C7: variants seen among roughly 807,000 people sequenced by gnomAD.
C7 encodes complement C7, also known as complement component C7.
A neutral mutation model predicts 104.8 loss-of-function variants in C7; 83 were observed. The ratio of observed to expected loss-of-function variants is 0.79; its 90% CI spans 0.66 to 0.95. C7 has a LOEUF of 0.95. Among genes scored for constraint, C7 ranks in the 40% least tolerant of loss-of-function variants. C7 has a pLI of 0.00. For missense variants in C7, 1,070 were observed against 1,011.2 expected (o/e 1.06, Z -0.79); for synonymous variants, 415 against 360.6 (o/e 1.15, Z -1.71).
Position 40,981,608 on chromosome 5 carries a change from C to T in C7, c.*35C>T. ...GGCCCTGGTCAGCTTGCTTGGAATC[C>T]AGCAGGCAGCTGGGGCTGAGTGAAA... On this transcript the variant is annotated 3_prime_UTR_variant, in exon 18 of 18. Coordinates refer to ENST00000313164, the MANE Select transcript of C7 (RefSeq NM_000587.4). 1 of 1,560,804 alleles carries T rather than the reference C, an allele frequency of 6.4e-7. No homozygotes were observed. Among genetic ancestry groups the T allele is most frequent in the Non-Finnish European group, 8.7e-7 (1 of 1,146,886 alleles).
chr5:40,924,542 T>G (rs1344550345), intron 1 of C7, among the ~76,000 whole-genome samples: 4 of 152,256 alleles, frequency 2.6e-5, no homozygotes, highest in South Asian at 2.1e-4. Context: ...GGGGACTGTG[T>G]GGGGGGGTTC....
intron 14 of C7, among the ~76,000 whole-genome samples, chr5:40,967,195 A>G (rs1579870868): frequency 1.3e-5 from 2 of 151,612 alleles, no homozygotes; most frequent in Admixed American, 1.3e-4. Context: ...CCTCCTGAGT[A>G]GCTGGGACAA....
At chr5:40,961,251 G>A (rs913641903) in intron 12 of C7, among the ~76,000 whole-genome samples, 3 of 152,174 alleles carry the variant, frequency 2.0e-5, no homozygotes, top group East Asian at 1.9e-4. Context: ...GTATCTCATG[G>A]TGTTGCTGTA....
chr5:40,966,621 C>T (rs1740560728), intron 14 of C7, among the ~76,000 whole-genome samples: 1 of 152,076 alleles, frequency 6.6e-6, no homozygotes, highest in South Asian at 2.1e-4. Context: ...TCGTGATCTG[C>T]CTGAATCGGC....
rs113015891 is a variant in C7 at position 40,972,118 on chromosome 5, G to C, written c.1883-285G>C. The C allele has an allele frequency of 6.2e-4, 331 of 530,708 alleles. 1 individual carries two copies. The highest frequency in any genetic ancestry group is 5.6e-3 in the African/African-American group (292 of 52,118). 32.9% of individuals were successfully genotyped at this position (530,708 alleles called of 1,614,324 possible). ...AAAGTTTGGTTTCAACAGTAGGCTG[G>C]GCATTAGGACTCTATTGGGGTTGTT... On this transcript the variant is annotated intron_variant, in intron 14 of 17. Transcript: ENST00000313164.
At chr5:40,935,425 G>A (rs975302688) in intron 4 of C7, among the ~76,000 whole-genome samples, 10 of 152,146 alleles carry the variant, frequency 6.6e-5, no homozygotes, top group Admixed American at 1.3e-4. Flanking sequence ...CAGGGTACAT[G>A]TCCTATAAGG....
At chr5:40,918,139 A>G (rs1247146944) in intron 1 of C7, among the ~76,000 whole-genome samples, 1 of 152,128 alleles carries the variant, frequency 6.6e-6, no homozygotes, top group Non-Finnish European at 1.5e-5. Flanking sequence ...CAAGACAGAA[A>G]GAAAGAAAAA....
intron 4 of C7, 125 bp downstream of exon 4, chr5:40,934,591 T>A: frequency 1.1e-6 from 1 of 930,516 alleles, no homozygotes; most frequent in Non-Finnish European, 1.6e-6. Flanking sequence ...TTCCCCCAAA[T>A]ATCATCAGGA....
At chr5:40,977,431 AACT>A (rs1455696774) in intron 16 of C7, among the ~76,000 whole-genome samples, 2 of 152,204 alleles carry the variant, frequency 1.3e-5, no homozygotes, top group African/African-American at 4.8e-5. Flanking sequence ...GAGGAAAGGA[AACT>A]ACAAGTCCCA....
At chr5:40,951,661 G>A in intron 9 of C7, among the ~76,000 whole-genome samples, 1 of 152,166 alleles carries the variant, frequency 6.6e-6, no homozygotes, top group East Asian at 1.9e-4. Context: ...AGATTCCATA[G>A]TATGGTAGGG....
chr5:40,934,466 G>C lies in C7; in HGVS notation c.280G>C (p.Gly94Arg). The C allele has an allele frequency of 6.2e-7, 1 of 1,613,382 alleles. No homozygotes were observed. Among genetic ancestry groups the C allele is most frequent in the Non-Finnish European group, 8.5e-7 (1 of 1,179,472 alleles). Residue 94 changes from glycine (G) to arginine (R), a missense_variant and splice_region_variant, in exon 4 of 18, where the codon GGT (glycine) becomes CGT (arginine). Physicochemically the swap from Gly to Arg is moderately radical, Grantham distance 125. Coordinates refer to ENST00000313164, the MANE Select transcript of C7 (RefSeq NM_000587.4). ...GCGERFRCFS[G>R]QCISKSLVCN... ...TGGAGAGCGTTTCAGGTGCTTTTCA[G>C]GTAACTTGTTTTCCATAGGCTCAGC...
In C7 at chr5:40,983,951, A is replaced by G. The variant is rs2111743666; in HGVS notation, c.*2378A>G. Among the ~76,000 whole-genome samples, 1 of 152,258 alleles carries G rather than the reference A, an allele frequency of 6.6e-6. No individual in the cohort carries two copies. Among genetic ancestry groups the G allele is most frequent in the Non-Finnish European group, 1.5e-5 (1 of 68,018 alleles). ...GAGTCATTTGGCCCTCAGAAGGAAC[A>G]GACAAAGAGAAGGAAATTGGCTGGT... On this transcript the variant is annotated 3_prime_UTR_variant, in exon 18 of 18. Coordinates refer to ENST00000313164, the MANE Select transcript of C7 (RefSeq NM_000587.4).
intron 3 of C7, among the ~76,000 whole-genome samples, chr5:40,933,089 TC>T (rs1161445866): frequency 1.3e-5 from 2 of 152,150 alleles, no homozygotes; most frequent in African/African-American, 2.4e-5. Flanking sequence ...AAAAATGGTA[TC>T]AAGAAACCTT....
intron 9 of C7, among the ~76,000 whole-genome samples, chr5:40,954,139 C>T (rs2034489): frequency 1 from 151,989 of 152,282 alleles, 75,849 homozygotes; most frequent in Middle Eastern, 1. Flanking sequence ...ACTTTTCATG[C>T]GTTAAGTAAT....
intron 1 of C7, among the ~76,000 whole-genome samples, chr5:40,919,058 A>G (rs996708236): frequency 2.6e-5 from 4 of 151,770 alleles, no homozygotes; most frequent in African/African-American, 9.7e-5. Flanking sequence ...TTTCTCCAGG[A>G]CAGATAACAT....
In C7 at chr5:40,955,504, C is replaced by T. The variant is rs754526203; in HGVS notation, c.1211C>T (p.Ser404Phe). Reference sequence around the variant, plus strand: ...CCTGCTGGAAACAAAAGGCGATATTCTGCCTGGGCAGAATCTGTGACTAAT... The same window carrying T: ...CCTGCTGGAAACAAAAGGCGATATTTTGCCTGGGCAGAATCTGTGACTAAT... ...DNPAGNKRRY[S>F]AWAESVTNLP... The change falls in exon 10 of 18, where the codon TCT (serine) becomes TTT (phenylalanine). Residue 404 changes from serine (S) to phenylalanine (F), a missense_variant. Transcript: ENST00000313164. 5 of 1,613,450 alleles carry T rather than the reference C, an allele frequency of 3.1e-6. No individual in the cohort carries two copies. The East Asian group carries it at 1.1e-4, about 36-fold the overall frequency.
At chr5:40,963,938 A>G (rs1398670590) in intron 13 of C7, among the ~76,000 whole-genome samples, 1 of 151,052 alleles carries the variant, frequency 6.6e-6, no homozygotes, top group Non-Finnish European at 1.5e-5. Context: ...TGAACATACT[A>G]ATAGGATTGG....
In C7 at chr5:40,953,857, A is replaced by ATAAAC. The variant is rs68034815; in HGVS notation, c.1094-1530_1094-1529insTAAAC. On this transcript the variant is annotated intron_variant, in intron 9 of 17. Coordinates refer to ENST00000313164, the MANE Select transcript of C7 (RefSeq NM_000587.4). ...TCAAAATATCACATGCACCCCATAAACATGTACCATTATTGTGTATAAATA... is the reference window on the plus strand; with the variant it reads ...TCAAAATATCACATGCACCCCATAAATAAACCATGTACCATTATTGTGTATAAATA... Among the ~76,000 whole-genome samples, 179 of 42,236 alleles carry ATAAAC rather than the reference A, an allele frequency of 4.2e-3. 1 individual carries two copies. Among genetic ancestry groups the ATAAAC allele is most frequent in the South Asian group, 0.011 (13 of 1,216 alleles). The allele number at this position is 42,236 out of a possible 152,430, so 27.7% of individuals were successfully genotyped here. A position where few individuals can be genotyped will look rare whatever the true frequency, so the allele number is the denominator to read the frequency against.
In C7 at chr5:40,983,206, A is replaced by T. The variant is rs1417108336; in HGVS notation, c.*1633A>T. ...CCTGGATGGGAGGACACATTTGAAC[A>T]TGCTAGGCCTGGATGCAGACCCTGA... On this transcript the variant is annotated 3_prime_UTR_variant, in exon 18 of 18. Coordinates refer to ENST00000313164, the MANE Select transcript of C7 (RefSeq NM_000587.4). Among the ~76,000 whole-genome samples the T allele has an allele frequency of 6.6e-6, 1 of 152,244 alleles. No homozygotes were observed. Among genetic ancestry groups the T allele is most frequent in the Non-Finnish European group, 1.5e-5 (1 of 68,042 alleles).
Sources: allele counts gnomAD v4.1 joint callset (sites outside exome capture counted in the v4.1 genomes callset), GRCh38; gene constraint gnomAD v4.1.1; transcripts MANE v1.5; gene names NCBI Gene and HGNC (gene_info 2026-07-23, HGNC 2026-07-21).